The following FOXN3 variants were observed in gnomAD, a reference collection of about 807,000 sequenced individuals.
The protein encoded by FOXN3 is forkhead box N3, also known as forkhead box protein N3.
A neutral mutation model predicts 38.4 loss-of-function variants in FOXN3; 7 were observed. The ratio of observed to expected loss-of-function variants is 0.18; its 90% confidence interval spans 0.10 to 0.34. The LOEUF (loss-of-function observed/expected upper bound fraction) is 0.34. FOXN3 is among the 10% of genes least tolerant of loss of function. The pLI, the probability that FOXN3 is intolerant of heterozygous loss-of-function variation, is 1.00. For synonymous variants in FOXN3, 230 were observed against 242.2 expected (o/e 0.95, Z 0.47); for missense variants, 456 against 613.4 (o/e 0.74, Z 2.71).
Position 89,206,512 on chromosome 14 carries a change from C to T in FOXN3, c.746-25706G>A, listed in dbSNP as rs552018257. On this transcript the variant is annotated intron_variant, in intron 4 of 5. Transcript: ENST00000557258. ...GGGTAAGATCGACGGAAGATGATGG[C>T]GTGGACAGCGGAGGTTTCCGTTCCC... 7.9e-5 allele frequency among the ~76,000 whole-genome samples: 12 copies of T among 152,266 alleles called. 1 individual carries two copies. The highest frequency in any genetic ancestry group is 2.9e-4 in the African/African-American group (12 of 41,550).
chr14:89,249,408 G>T (rs117062310), intron 4 of FOXN3, among the ~76,000 whole-genome samples: 3,214 of 152,318 alleles, frequency 0.021, 53 homozygotes, highest in Non-Finnish European at 0.034. Context: ...CAGGTAAAGA[G>T]AATTTATTTA....
intron 3 of FOXN3, among the ~76,000 whole-genome samples, chr14:89,335,986 A>G (rs1490312122): frequency 6.6e-6 from 1 of 152,200 alleles, no homozygotes; most frequent in African/African-American, 2.4e-5. Context: ...TGCTCTAAGA[A>G]GAATTCATGG....
At chr14:89,597,769 T>C (rs1439863524) in intron 1 of FOXN3, among the ~76,000 whole-genome samples, 1 of 152,168 alleles carries the variant, frequency 6.6e-6, no homozygotes, top group African/African-American at 2.4e-5. Flanking sequence ...TTCTTTTGCA[T>C]GGTATATCTT....
At chr14:89,496,105 C>G (rs567809010) in intron 1 of FOXN3, among the ~76,000 whole-genome samples, 2 of 152,040 alleles carry the variant, frequency 1.3e-5, no homozygotes, top group African/African-American at 4.8e-5. Flanking sequence ...CCCAGCTACT[C>G]GGGAGGCTGA....
intron 3 of FOXN3, among the ~76,000 whole-genome samples, chr14:89,305,064 G>A (rs1418159952): frequency 6.6e-6 from 1 of 151,674 alleles, no homozygotes; most frequent in African/African-American, 2.4e-5. Context: ...TTCATTTTAC[G>A]AAGTTGTCCT....
At chr14:89,446,134 G>A (rs1394343784) in intron 1 of FOXN3, among the ~76,000 whole-genome samples, 7 of 106,536 alleles carry the variant, frequency 6.6e-5, no homozygotes, top group East Asian at 2.4e-4. Flanking sequence ...GTTGGGTCTA[G>A]AACCCAGGTC....
rs72014136 is a variant in FOXN3 at position 89,335,077 on chromosome 14, TCACACACACACACACACACACACA to T, written c.680+15571_680+15594del. The stretch of plus-strand genomic sequence containing the variant: ...AGAGTAGAACTTAACTATTTTCATA[TCACACACACACACACACACACACA>T]CACACACACACACACACACACAAAT... On this transcript the variant is annotated intron_variant, in intron 3 of 5. Coordinates refer to ENST00000557258, the MANE Select transcript of FOXN3 (RefSeq NM_005197.4). Among the ~76,000 whole-genome samples the T allele has an allele frequency of 1.3e-4, 18 of 139,344 alleles. No individual in the cohort carries two copies. The East Asian group carries it at 1.3e-3, about 10-fold the overall frequency. 91.4% of individuals were successfully genotyped at this position (139,344 alleles called of 152,430 possible).
At chr14:89,606,981 G>C (rs1896288852) in intron 1 of FOXN3, among the ~76,000 whole-genome samples, 6 of 152,116 alleles carry the variant, frequency 3.9e-5, no homozygotes, top group Admixed American at 3.9e-4. Flanking sequence ...AAACATGTAT[G>C]ACCAATAAAC....
At chr14:89,297,285 G>A (rs977549937) in intron 3 of FOXN3, among the ~76,000 whole-genome samples, 11 of 152,086 alleles carry the variant, frequency 7.2e-5, no homozygotes, top group South Asian at 2.1e-4. Flanking sequence ...CATAGGGGCC[G>A]GGCGCGGTGG....
At chr14:89,233,146 G>C (rs1446957813) in intron 4 of FOXN3, among the ~76,000 whole-genome samples, 1 of 152,164 alleles carries the variant, frequency 6.6e-6, no homozygotes, top group East Asian at 1.9e-4. Flanking sequence ...GAACCCTTAG[G>C]AGAGATATTG....
At chr14:89,443,958 A>C (rs1596275957) in intron 1 of FOXN3, among the ~76,000 whole-genome samples, 2 of 149,650 alleles carry the variant, frequency 1.3e-5, no homozygotes, top group African/African-American at 4.9e-5. Context: ...GCAGTGAGCC[A>C]AGATCATGCC....
At chr14:89,305,103 T>C (rs1887334015) in intron 3 of FOXN3, among the ~76,000 whole-genome samples, 1 of 152,150 alleles carries the variant, frequency 6.6e-6, no homozygotes, top group South Asian at 2.1e-4. Flanking sequence ...CCGGCTGATC[T>C]GGAGGGGACG....
intron 1 of FOXN3, among the ~76,000 whole-genome samples, chr14:89,430,070 C>T (rs1892124048): frequency 6.6e-6 from 1 of 152,298 alleles, no homozygotes; most frequent in East Asian, 1.9e-4. Flanking sequence ...TTATTACAAG[C>T]AATCATGATG....
intron 4 of FOXN3, among the ~76,000 whole-genome samples, chr14:89,260,662 C>T (rs553096831): frequency 3.3e-5 from 5 of 152,280 alleles, no homozygotes; most frequent in South Asian, 2.1e-4. Context: ...TAGAATGCTC[C>T]GGCACAGGCA....
chr14:89,605,215 C>T (rs1049210736), intron 1 of FOXN3, among the ~76,000 whole-genome samples: 4 of 151,466 alleles, frequency 2.6e-5, no homozygotes, highest in Admixed American at 1.3e-4. Context: ...TGGGCAAAAA[C>T]GAAACCTAAA....
chr14:89,583,448 A>C (rs968472872), intron 1 of FOXN3, among the ~76,000 whole-genome samples: 6 of 152,216 alleles, frequency 3.9e-5, no homozygotes, highest in Admixed American at 6.5e-5. Context: ...GCCTTCTGCC[A>C]TGGAAGGATG....
chr14:89,282,537 C>T (rs979683962), intron 3 of FOXN3, among the ~76,000 whole-genome samples: 5 of 152,156 alleles, frequency 3.3e-5, no homozygotes, highest in Admixed American at 2.0e-4. Context: ...CATTAAAATA[C>T]TTAAGATTAT....
At chr14:89,447,903 C>T (rs992660640) in intron 1 of FOXN3, among the ~76,000 whole-genome samples, 4 of 148,404 alleles carry the variant, frequency 2.7e-5, no homozygotes, top group Admixed American at 6.9e-5. Context: ...CTGCAACCTC[C>T]GCCTCCCAGG....
At chr14:89,505,698 C>T (rs1346603343) in intron 1 of FOXN3, among the ~76,000 whole-genome samples, 3 of 152,240 alleles carry the variant, frequency 2.0e-5, no homozygotes, top group Non-Finnish European at 4.4e-5. Context: ...GGCCACCACC[C>T]CGTCTGGGAA....
Sources: allele counts gnomAD v4.1 joint callset (sites outside exome capture counted in the v4.1 genomes callset), GRCh38; gene constraint gnomAD v4.1.1; transcripts MANE v1.5; gene names NCBI Gene and HGNC (gene_info 2026-07-23, HGNC 2026-07-21).